ITGA11: variants seen among roughly 807,000 people sequenced by gnomAD.
ITGA11 encodes the protein integrin alpha-11.
In ITGA11, 97 loss-of-function variants were observed where a neutral mutation model predicts 141.9. The observed-to-expected ratio is 0.68, with a 90% CI of 0.58 to 0.81. The LOEUF (loss-of-function observed/expected upper bound fraction) is 0.81, where lower values mean the gene tolerates loss of function less well. ITGA11 is among the 30% of genes least tolerant of loss of function. The probability of loss-of-function intolerance (pLI) is 0.00; values close to 1 mark genes in which losing one functional copy is unlikely to be tolerated. For synonymous variants in ITGA11, 658 were observed against 624.6 expected (o/e 1.05, Z -0.80); for missense variants, 1,387 against 1,559.2 (o/e 0.89, Z 1.86).
rs1371176771 is a variant in ITGA11 at position 68,315,769 on chromosome 15, G to A, written c.2716-42C>T. 9 of 1,510,348 alleles carry A rather than the reference G, an allele frequency of 6.0e-6. No individual in the cohort carries two copies. In the African/African-American group the frequency reaches 1.1e-4, roughly 18 times the overall value. 93.6% of individuals were successfully genotyped at this position (1,510,348 alleles called of 1,614,324 possible). ...GCATGTCTGGGCATTGCTGGGACCA[G>A]CCCCGCCCACTCCCCACAGCCCACT... On this transcript the variant is annotated intron_variant, in intron 21 of 29. Coordinates refer to ENST00000315757, the MANE Select transcript of ITGA11 (RefSeq NM_001004439.2).
chr15:68,387,054 G>GGAGGAGAAT (rs1211518633), intron 2 of ITGA11, among the ~76,000 whole-genome samples: 2 of 152,096 alleles, frequency 1.3e-5, no homozygotes, highest in Admixed American at 6.6e-5. Context: ...AGGGGGAAAG[G>GGAGGAGAAT]GAGGAGAATG....
At chr15:68,319,965 A>G (rs188765103) in intron 20 of ITGA11, among the ~76,000 whole-genome samples, 1 of 151,916 alleles carries the variant, frequency 6.6e-6, no homozygotes, top group East Asian at 1.9e-4. Flanking sequence ...TACTTTATAT[A>G]TTTTTGTAGA....
chr15:68,302,799 T>A lies in ITGA11; in HGVS notation c.*260A>T. On this transcript the variant is annotated 3_prime_UTR_variant, in exon 30 of 30. Transcript: ENST00000315757. ...CCTGAGGGAGGCCTTGGCATGGGCC[T>A]GGGTGTGTGTAGGGGTGTCCCTTTA... 1 of 424,106 alleles carries A rather than the reference T, an allele frequency of 2.4e-6. No individual in the cohort carries two copies. Among genetic ancestry groups the A allele is most frequent in the South Asian group, 4.6e-5 (1 of 21,566 alleles). 26.3% of individuals were successfully genotyped at this position (424,106 alleles called of 1,614,324 possible).
At chr15:68,311,905 G>C (rs1893400685) in intron 24 of ITGA11, among the ~76,000 whole-genome samples, 1 of 152,190 alleles carries the variant, frequency 6.6e-6, no homozygotes, top group South Asian at 2.1e-4. Context: ...CAGGGCTTTG[G>C]AACCAGAAAG....
chr15:68,367,268 C>T (rs1036086850), intron 3 of ITGA11, among the ~76,000 whole-genome samples: 2 of 152,120 alleles, frequency 1.3e-5, no homozygotes, highest in African/African-American at 2.4e-5. Flanking sequence ...CACGAATCCA[C>T]GTCCCTGCCT....
rs1893487104 is a variant in ITGA11 at position 68,314,026 on chromosome 15, G to A, written c.2793-158C>T. Among the ~76,000 whole-genome samples the A allele has an allele frequency of 3.3e-5, 5 of 152,344 alleles. No individual in the cohort carries two copies. In the South Asian group the frequency reaches 1.0e-3, roughly 32 times the overall value. ...GGAACCTGAGGCATCTCCTAGGAGA[G>A]GAAGGGCCAGAAGCAGGGATGGATG... On this transcript the variant is annotated intron_variant, in intron 22 of 29. Coordinates refer to ENST00000315757, the MANE Select transcript of ITGA11 (RefSeq NM_001004439.2).
rs775884328 is a variant in ITGA11 at position 68,317,275 on chromosome 15, G to A, written c.2705C>T (p.Ala902Val). ...GTCCCCAGTCTCAACCTTGGCCTTG[G>A]CCCGGAAGAAGGGATAGCTGACGTT... ...VCNVSYPFFR[A>V]KAKVAFRLDF... The change falls in exon 21 of 30, where the codon GCC (alanine) becomes GTC (valine). Residue 902 changes from alanine (A) to valine (V), a missense_variant. Coordinates refer to ENST00000315757, the MANE Select transcript of ITGA11 (RefSeq NM_001004439.2). The A allele has an allele frequency of 3.1e-6, 5 of 1,613,024 alleles. No homozygotes were observed. Among genetic ancestry groups the A allele is most frequent in the African/African-American group, 1.3e-5 (1 of 75,002 alleles).
At chr15:68,340,178 C>T (rs996311599) in intron 10 of ITGA11, among the ~76,000 whole-genome samples, 12 of 150,656 alleles carry the variant, frequency 8.0e-5, no homozygotes, top group Non-Finnish European at 1.6e-4. Flanking sequence ...CCCCGTATCC[C>T]CGCCCCCAAC....
Position 68,327,658 on chromosome 15 carries a change from C to T in ITGA11, c.2068+438G>A, listed in dbSNP as rs1894021706. ...GGACCCTCAGAAGGAAACTGCCCTG[C>T]TGTGGACTCACACCCACTTCTGAGC... On this transcript the variant is annotated intron_variant, in intron 16 of 29. Coordinates refer to ENST00000315757, the MANE Select transcript of ITGA11 (RefSeq NM_001004439.2). 4.6e-5 allele frequency among the ~76,000 whole-genome samples: 7 copies of T among 152,182 alleles called. 1 individual carries two copies. Among genetic ancestry groups the T allele is most frequent in the Admixed American group, 4.6e-4 (7 of 15,288 alleles).
chr15:68,306,344 A>G (rs560230194), intron 28 of ITGA11, among the ~76,000 whole-genome samples: 8 of 151,922 alleles, frequency 5.3e-5, no homozygotes, highest in Admixed American at 5.2e-4. Flanking sequence ...TGAGCAGGGT[A>G]TGTGTGGGGG....
rs1204818439 is a variant in ITGA11 at position 68,307,098 on chromosome 15, C to G, written c.3381+250G>C. ...AACAGAGGCTGATACCGAGGCATCT[C>G]CCATCCTTTGGTCTTCACAAATTCA... On this transcript the variant is annotated intron_variant, in intron 28 of 29. Transcript: ENST00000315757. The surrounding 1 kb of genome is among the most constrained non-coding windows in gnomAD (Gnocchi z 6.1). Among the ~76,000 whole-genome samples the G allele has an allele frequency of 6.6e-6, 1 of 152,180 alleles. No homozygotes were observed. Among genetic ancestry groups the G allele is most frequent in the East Asian group, 1.9e-4 (1 of 5,194 alleles).
intron 5 of ITGA11, among the ~76,000 whole-genome samples, 181 bp downstream of exon 5, chr15:68,361,409 T>C (rs1271559788): frequency 6.6e-6 from 1 of 152,128 alleles, no homozygotes; most frequent in Non-Finnish European, 1.5e-5. Context: ...GAGGCCAGGA[T>C]TATGACTCCC....
intron 3 of ITGA11, 35 bp from the exon 4 acceptor site, chr15:68,364,833 C>A (rs772983275): frequency 6.3e-7 from 1 of 1,583,686 alleles, no homozygotes; most frequent in Non-Finnish European, 8.7e-7. Context: ...TTGCAGCCCC[C>A]TCCTGCCCGC....
At chr15:68,394,143 C>T (rs532742590) in intron 2 of ITGA11, among the ~76,000 whole-genome samples, 1 of 152,244 alleles carries the variant, frequency 6.6e-6, no homozygotes, top group South Asian at 2.1e-4. Flanking sequence ...AAGCATACAA[C>T]CATCCTAGCT....
At chr15:68,343,683 C>T (rs1894642913) in intron 10 of ITGA11, among the ~76,000 whole-genome samples, 1 of 152,174 alleles carries the variant, frequency 6.6e-6, no homozygotes, top group African/African-American at 2.4e-5. Flanking sequence ...CGCCAAACTC[C>T]CGAGAGTCCA....
At position 68,351,408 on chromosome 15, in the gene ITGA11, A is replaced by G; in HGVS notation, c.750-6T>C. On this transcript the variant is annotated splice_region_variant and splice_polypyrimidine_tract_variant and intron_variant, in intron 7 of 29. Coordinates refer to ENST00000315757, the MANE Select transcript of ITGA11 (RefSeq NM_001004439.2). ...CCTTCTGGAAAGCCTCTGAGCTGGA[A>G]GCCAAGCACAGGGGCAGGGTCATGA... 1 of 1,613,494 alleles carries G rather than the reference A, an allele frequency of 6.2e-7. No individual in the cohort carries two copies. Among genetic ancestry groups the G allele is most frequent in the Non-Finnish European group, 8.5e-7 (1 of 1,179,756 alleles).
chr15:68,306,450 C>T (rs993337456), intron 28 of ITGA11, among the ~76,000 whole-genome samples: 17 of 152,138 alleles, frequency 1.1e-4, no homozygotes, highest in South Asian at 4.1e-4. Context: ...GAAAGCTTTC[C>T]GGGGATGTCC....
In ITGA11 at chr15:68,364,764, T is replaced by C. The variant is rs2140353989; in HGVS notation, c.300A>G (p.Lys100=). Residue 100 remains lysine, a synonymous_variant, in exon 4 of 30, where the codon AAA becomes AAG. Transcript: ENST00000315757. ...GACTAAGGCCGAGGCGCATGTTGTC[T>C]TTCCGCTCGGACACGTTGGACAGGG... ...RVTLSNVSER[K]DNMRLGLSLA... is the part of the protein sequence containing the mutation. 1.2e-6 allele frequency: 2 copies of C among 1,613,774 alleles called. No individual in the cohort carries two copies. Among genetic ancestry groups the C allele is most frequent in the Non-Finnish European group, 1.7e-6 (2 of 1,179,796 alleles).
intron 1 of ITGA11, among the ~76,000 whole-genome samples, chr15:68,415,703 C>T (rs1015439900): frequency 3.9e-5 from 6 of 152,102 alleles, no homozygotes; most frequent in African/African-American, 1.2e-4. Flanking sequence ...CATGCCCTCT[C>T]GAATGTTAAG....
Sources: gnomAD v4.1 joint callset for allele counts (sites outside exome capture counted in the v4.1 genomes callset) on GRCh38, gnomAD v4.1.1 for gene constraint, Gnocchi (gnomAD v3.1) non-coding constraint, MANE v1.5 for transcripts, NCBI Gene and HGNC (gene_info 2026-07-23, HGNC 2026-07-21) for gene names.